Variants in COL25A1 observed in about 807,000 individuals in gnomAD.
The protein encoded by COL25A1 is collagen alpha-1(XXV) chain.
Under a neutral mutation model 128.4 loss-of-function variants are expected in COL25A1, and 103 were observed. The ratio of observed to expected loss-of-function variants is 0.80; its 90% CI spans 0.68 to 0.94. COL25A1 has a LOEUF of 0.94. Among genes scored for constraint, COL25A1 ranks in the 40% least tolerant of loss-of-function variants. COL25A1 has a pLI of 0.00. For synonymous variants in COL25A1, 279 were observed against 277.2 expected (o/e 1.01, Z -0.06); for missense variants, 745 against 840.0 (o/e 0.89, Z 1.40).
chr4:109,075,937 T>C (rs545184897), intron 3 of COL25A1, among the ~76,000 whole-genome samples: 6 of 152,136 alleles, frequency 3.9e-5, no homozygotes, highest in Non-Finnish European at 8.8e-5. Context: ...CAACCACAGA[T>C]AGAAAATATT....
chr4:109,158,852 G>C (rs1369284812), intron 3 of COL25A1, among the ~76,000 whole-genome samples: 2 of 152,290 alleles, frequency 1.3e-5, no homozygotes, highest in East Asian at 3.9e-4. Context: ...TGTAACACCT[G>C]TCCATGGTTA....
intron 11 of COL25A1, among the ~76,000 whole-genome samples, chr4:108,926,479 A>G (rs1355409363): frequency 6.6e-6 from 1 of 152,206 alleles, no homozygotes; most frequent in Non-Finnish European, 1.5e-5. Context: ...ACGATTTAAT[A>G]AAAGTTAGGC....
At chr4:109,077,200 TA>T (rs1361990136) in intron 3 of COL25A1, among the ~76,000 whole-genome samples, 2 of 152,166 alleles carry the variant, frequency 1.3e-5, no homozygotes, top group Non-Finnish European at 2.9e-5. Flanking sequence ...CAGGACGCAT[TA>T]AAGTCATACA....
intron 3 of COL25A1, among the ~76,000 whole-genome samples, chr4:109,233,759 A>G (rs1779301032): frequency 6.6e-6 from 1 of 152,104 alleles, no homozygotes; most frequent in Admixed American, 6.6e-5. Flanking sequence ...CCCATTACTC[A>G]TGCTGCAGTG....
chr4:108,936,894 G>A (rs538625597), intron 11 of COL25A1, among the ~76,000 whole-genome samples: 16 of 150,334 alleles, frequency 1.1e-4, no homozygotes, highest in Non-Finnish European at 2.1e-4. Flanking sequence ...TCCTCCCCTC[G>A]CTGGCTTCCC....
At chr4:108,952,480 C>T (rs1368690346) in intron 8 of COL25A1, among the ~76,000 whole-genome samples, 1 of 152,134 alleles carries the variant, frequency 6.6e-6, no homozygotes, top group Non-Finnish European at 1.5e-5. Flanking sequence ...TCAGCCCCAT[C>T]TGAATTTCCT....
chr4:109,090,092 G>C (rs1472865542), intron 3 of COL25A1, among the ~76,000 whole-genome samples: 1 of 152,002 alleles, frequency 6.6e-6, no homozygotes, highest in African/African-American at 2.4e-5. Context: ...AAATGTAATA[G>C]AAATGTAATA....
chr4:108,979,381 A>G (rs1311450028), intron 6 of COL25A1, among the ~76,000 whole-genome samples: 2 of 152,258 alleles, frequency 1.3e-5, no homozygotes, highest in Non-Finnish European at 1.5e-5. Context: ...TTCAATCTAC[A>G]TAACAGCAAT....
intron 3 of COL25A1, among the ~76,000 whole-genome samples, chr4:109,234,264 T>C (rs918039167): frequency 6.6e-6 from 1 of 152,166 alleles, no homozygotes; most frequent in Non-Finnish European, 1.5e-5. Context: ...CTCTTCTTTT[T>C]TCTGAACTGT....
At chr4:108,830,503 T>C (rs766041206) in intron 32 of COL25A1, among the ~76,000 whole-genome samples, 7 of 152,332 alleles carry the variant, frequency 4.6e-5, no homozygotes, top group Non-Finnish European at 1.0e-4. Flanking sequence ...GGCGCCTCTA[T>C]CAATTAACTC....
At chr4:108,822,354 TTTGA>T (rs1731881617) in intron 35 of COL25A1, among the ~76,000 whole-genome samples, 2 of 152,130 alleles carry the variant, frequency 1.3e-5, no homozygotes, top group Non-Finnish European at 2.9e-5. Flanking sequence ...GTAATATGTT[TTTGA>T]GTGATTAAGA....
At chr4:108,997,772 C>G (rs1754919854) in intron 6 of COL25A1, among the ~76,000 whole-genome samples, 1 of 152,136 alleles carries the variant, frequency 6.6e-6, no homozygotes, top group Non-Finnish European at 1.5e-5. Context: ...AAAGCTTATC[C>G]ACCATGATCA....
At chr4:108,851,662 G>C (rs1179913281) in intron 26 of COL25A1, among the ~76,000 whole-genome samples, 1 of 152,116 alleles carries the variant, frequency 6.6e-6, no homozygotes, top group Non-Finnish European at 1.5e-5. Context: ...CATCAACAAA[G>C]TTTAGATATA....
chr4:109,140,749 T>C (rs1410947260), intron 3 of COL25A1, among the ~76,000 whole-genome samples: 1 of 152,182 alleles, frequency 6.6e-6, no homozygotes, highest in East Asian at 1.9e-4. Context: ...ATTATTGGTG[T>C]ATAGGAATGC....
intron 3 of COL25A1, among the ~76,000 whole-genome samples, chr4:109,094,231 A>G (rs1765203493): frequency 6.6e-6 from 1 of 152,214 alleles, no homozygotes; most frequent in Non-Finnish European, 1.5e-5. Flanking sequence ...CATCCAAACC[A>G]CAGGCACATG....
At chr4:108,868,019 T>C (rs1738150036) in intron 20 of COL25A1, among the ~76,000 whole-genome samples, 1 of 152,154 alleles carries the variant, frequency 6.6e-6, no homozygotes, top group African/African-American at 2.4e-5. Context: ...TAGATCCTTT[T>C]GGGATGAGGC....
Position 109,254,505 on chromosome 4 carries a change from A to ATATATATATATATGTG in COL25A1, c.367+46077_367+46078insCACATATATATATATA, listed in dbSNP as rs1383703429. On this transcript the variant is annotated intron_variant, in intron 3 of 37. Transcript: ENST00000399132. ...TATATATATATATATATATATATATATGTATGTGTGTATATACATATACAT... is the reference window on the plus strand; with the variant it reads ...TATATATATATATATATATATATATATATATATATATATGTGTGTATGTGTGTATATACATATACAT... 3.7e-3 allele frequency among the ~76,000 whole-genome samples: 393 copies of ATATATATATATATGTG among 104,858 alleles called. 9 individuals are homozygous for ATATATATATATATGTG. Among genetic ancestry groups the ATATATATATATATGTG allele is most frequent in the East Asian group, 8.6e-3 (28 of 3,260 alleles). 68.8% of individuals were successfully genotyped at this position (104,858 alleles called of 152,430 possible). A position where few individuals can be genotyped will look rare whatever the true frequency, so the allele number is the denominator to read the frequency against.
At chr4:108,895,673 T>C (rs748384343) in intron 16 of COL25A1, among the ~76,000 whole-genome samples, 7 of 152,164 alleles carry the variant, frequency 4.6e-5, no homozygotes, top group Admixed American at 6.6e-5. Flanking sequence ...CAAGACTGCA[T>C]TAGAGTGTCT....
At chr4:109,245,955 G>GCTCT (rs1780229140) in intron 3 of COL25A1, among the ~76,000 whole-genome samples, 1 of 149,840 alleles carries the variant, frequency 6.7e-6, no homozygotes, top group Non-Finnish European at 1.5e-5. Flanking sequence ...GATATGCAGA[G>GCTCT]GCCAGGCCTG....
Sources: allele counts gnomAD v4.1 joint callset (sites outside exome capture counted in the v4.1 genomes callset), GRCh38; gene constraint gnomAD v4.1.1; transcripts MANE v1.5; gene names NCBI Gene and HGNC (gene_info 2026-07-23, HGNC 2026-07-21).